The following AKAP9 variants were observed in gnomAD, a reference collection of about 807,000 sequenced individuals.
The protein encoded by AKAP9 is A-kinase anchor protein 9.
In AKAP9, 311 loss-of-function variants were observed where a neutral mutation model predicts 488.5. That is an observed-to-expected ratio of 0.64 (90% CI 0.58 to 0.70). The LOEUF (loss-of-function observed/expected upper bound fraction) is 0.70. Among genes scored for constraint, AKAP9 ranks in the 30% least tolerant of loss-of-function variants. AKAP9 has a pLI of 0.00. For missense variants in AKAP9, 4,215 were observed against 4,374.5 expected, an observed-to-expected ratio of 0.96 and a Z score of 1.03; for synonymous variants, 1,462 against 1,483.5, an observed-to-expected ratio of 0.99 and a Z score of 0.33.
At chr7:91,956,624 A>C (rs1046374856) in intron 1 of AKAP9, among the ~76,000 whole-genome samples, 4 of 151,954 alleles carry the variant, frequency 2.6e-5, no homozygotes, top group African/African-American at 9.7e-5. Flanking sequence ...TTTCTTCATT[A>C]CTTTCTGTGT....
chr7:91,943,487 A>G (rs1247348493), intron 1 of AKAP9, among the ~76,000 whole-genome samples: 1 of 152,244 alleles, frequency 6.6e-6, no homozygotes, highest in African/African-American at 2.4e-5. Context: ...AGGTGGTGAC[A>G]GTGTCTGCTC....
intron 47 of AKAP9, 67 bp downstream of exon 47, chr7:92,105,830 A>G: frequency 1.5e-6 from 2 of 1,362,622 alleles, no homozygotes; most frequent in Non-Finnish European, 2.1e-6. Context: ...CCACCCCCAG[A>G]CTATGGACCA....
chr7:91,986,710 C>T (rs1400763381), intron 3 of AKAP9, among the ~76,000 whole-genome samples: 2 of 151,818 alleles, frequency 1.3e-5, no homozygotes, highest in South Asian at 4.1e-4. Flanking sequence ...TTATCAGGTT[C>T]CAAAAAATGT....
intron 3 of AKAP9, among the ~76,000 whole-genome samples, chr7:91,982,801 C>T (rs1796595960): frequency 6.6e-6 from 1 of 152,100 alleles, no homozygotes; most frequent in African/African-American, 2.4e-5. Context: ...AATTTACACT[C>T]CCAACAGTGT....
rs1816347769 is a variant in AKAP9 at position 92,095,156 on chromosome 7, G to A, written c.9712G>A (p.Asp3238Asn). 1.2e-6 allele frequency: 2 copies of A among 1,614,166 alleles called. No homozygotes were observed. The highest frequency in any genetic ancestry group is 4.5e-5 in the East Asian group (2 of 44,876). Reference protein sequence around the residue: ...KAKLGRSEERDKEELEDLKFS... With the variant: ...KAKLGRSEERNKEELEDLKFS... ...CAAGTTGGGACGCAGTGAAGAACGG[G>A]ATAAAGAAGAACTTGAGGTACTGTT... The change falls in exon 40 of 50, where the codon GAT becomes AAT. Residue 3238 changes from aspartate to asparagine, a missense_variant. By Grantham distance (23) the Asp-to-Asn change is conservative. Transcript: ENST00000356239.
chr7:91,982,029 T>A (rs1164841697), intron 3 of AKAP9, among the ~76,000 whole-genome samples: 1 of 152,234 alleles, frequency 6.6e-6, no homozygotes, highest in African/African-American at 2.4e-5. Flanking sequence ...TATTTTTTAA[T>A]ATGCTAGTGG....
intron 8 of AKAP9, among the ~76,000 whole-genome samples, chr7:92,007,797 T>C (rs1800123167): frequency 6.6e-6 from 1 of 152,216 alleles, no homozygotes; most frequent in Non-Finnish European, 1.5e-5. Flanking sequence ...GTGTATAGTT[T>C]ATCTGGAAGA....
chr7:92,057,228 A>G (rs1175884599), intron 22 of AKAP9, among the ~76,000 whole-genome samples: 2 of 152,232 alleles, frequency 1.3e-5, no homozygotes, highest in Admixed American at 6.6e-5. Context: ...GATGAGTAAT[A>G]TTTCTAAGGA....
chr7:92,058,157 G>A (rs767828215), intron 22 of AKAP9: 3 of 571,848 alleles, frequency 5.2e-6, no homozygotes, highest in South Asian at 3.0e-5. Flanking sequence ...CTCGGCAGCT[G>A]TATCTTCTGG....
Position 91,940,892 on chromosome 7 carries a change from CGGCGGCGGT to C in AKAP9, c.-206_-198del. 1 of 608,684 alleles carries C rather than the reference CGGCGGCGGT, an allele frequency of 1.6e-6. No homozygotes were observed. 37.7% of individuals were successfully genotyped at this position (608,684 alleles called of 1,614,324 possible). ...TACGTGGAGACGAAGATGGCGGCGG[CGGCGGCGGT>C]GACGGCGCTTCCCGTGCGGCTGAGG... is the stretch of plus-strand genomic sequence containing the variant. On this transcript the variant is annotated 5_prime_UTR_variant, in exon 1 of 50. Transcript: ENST00000356239.
At position 92,101,033 on chromosome 7, in the gene AKAP9, G is replaced by A. The variant is rs750871444; in HGVS notation, c.11074G>A (p.Asp3692Asn). The change falls in exon 45 of 50, where the codon GAT becomes AAT. Residue 3692 changes from aspartate (D) to asparagine (N), a missense_variant. Asp to Asn is a conservative substitution (Grantham distance 23). Transcript: ENST00000356239. Reference sequence around the variant, plus strand: ...CTCTTTACTTCAAACTCTGAGCCCTGATTCTGAACATGTCACTTTAAAGGT... The same window carrying A: ...CTCTTTACTTCAAACTCTGAGCCCTAATTCTGAACATGTCACTTTAAAGGT... ...NDSLLQTLSPDSEHVTLKRIY... is the reference protein window; with the variant it reads ...NDSLLQTLSPNSEHVTLKRIY... The A allele has an allele frequency of 1.6e-5, 26 of 1,613,802 alleles. No homozygotes were observed. The highest frequency in any genetic ancestry group is 2.1e-5 in the Non-Finnish European group (25 of 1,180,004).
intron 22 of AKAP9, among the ~76,000 whole-genome samples, chr7:92,054,857 A>C (rs1808526278): frequency 6.6e-6 from 1 of 151,928 alleles, no homozygotes; most frequent in South Asian, 2.1e-4. Context: ...TGCTTAAGAG[A>C]CTGTCATAAG....
At position 92,029,950 on chromosome 7, in the gene AKAP9, C is replaced by T. The variant is rs1187172089; in HGVS notation, c.4204C>T (p.Pro1402Ser). The T allele has an allele frequency of 6.2e-7, 1 of 1,612,760 alleles. No individual in the cohort carries two copies. The highest frequency in any genetic ancestry group is 8.5e-7 in the Non-Finnish European group (1 of 1,179,234). ...ATCTGATGCACAGAGAACAATGTAC[C>T]CTGGAAGTTGTGTGAAAAAGAATAT... ...TESDAQRTMY[P>S]GSCVKKNIDG... Residue 1402 changes from proline to serine, a missense_variant, in exon 15 of 50, where the codon CCT (proline) becomes TCT (serine). Pro to Ser is a moderately conservative substitution (Grantham distance 74). Transcript: ENST00000356239.
chr7:91,990,337 A>G (rs1194754882), intron 3 of AKAP9, among the ~76,000 whole-genome samples: 2 of 152,054 alleles, frequency 1.3e-5, no homozygotes, highest in African/African-American at 2.4e-5. Flanking sequence ...ATTTAAAAAC[A>G]GAATAATTTA....
At chr7:91,953,102 G>C (rs1287297215) in intron 1 of AKAP9, among the ~76,000 whole-genome samples, 1 of 152,220 alleles carries the variant, frequency 6.6e-6, no homozygotes, top group Non-Finnish European at 1.5e-5. Context: ...CGAGGCTGTT[G>C]AAAGTACAAA....
intron 14 of AKAP9, among the ~76,000 whole-genome samples, chr7:92,028,256 C>T (rs1360835880): frequency 7.5e-6 from 1 of 133,066 alleles, no homozygotes; most frequent in East Asian, 2.3e-4. Context: ...CTGCCACATC[C>T]CCCTCTCTGA....
chr7:92,109,982 T>G, intron 49 of AKAP9, 140 bp from the exon 50 acceptor site: 1 of 687,804 alleles, frequency 1.5e-6, no homozygotes, highest in Non-Finnish European at 2.6e-6. Context: ...AGTTTAAGTA[T>G]GAAGAGGACA....
intron 3 of AKAP9, among the ~76,000 whole-genome samples, chr7:91,990,591 T>C (rs1312285234): frequency 6.6e-6 from 1 of 152,162 alleles, no homozygotes; most frequent in East Asian, 1.9e-4. Context: ...TAACATTTGC[T>C]TATCTGAATT....
chr7:92,009,886 T>G (rs1357443072), intron 8 of AKAP9, among the ~76,000 whole-genome samples: 1 of 152,194 alleles, frequency 6.6e-6, no homozygotes. Flanking sequence ...TTTTTTATTT[T>G]GTTTTGTTTT....
Sources: allele counts gnomAD v4.1 joint callset (sites outside exome capture counted in the v4.1 genomes callset), GRCh38; gene constraint gnomAD v4.1.1; transcripts MANE v1.5; gene names NCBI Gene and HGNC (gene_info 2026-07-23, HGNC 2026-07-21).